Variants in POU3F3 observed in about 807,000 individuals in gnomAD.
POU3F3 encodes the protein POU domain, class 3, transcription factor 3.
A neutral mutation model predicts 8.6 loss-of-function variants in POU3F3; 1 was observed. The ratio of observed to expected loss-of-function variants is 0.12; its 90% CI spans 0.04 to 0.55. POU3F3 has a LOEUF of 0.55. Ranked by LOEUF, POU3F3 falls within the 20% of genes least tolerant of loss-of-function variation. The pLI is 0.91. For missense variants in POU3F3, 577 were observed against 690.7 expected (o/e 0.84, Z 1.84); for synonymous variants, 418 against 327.4 (o/e 1.28, Z -2.99).
chr2:104,860,071 T>TA (rs1290925068), downstream of POU3F3, among the ~76,000 whole-genome samples: 2 of 152,188 alleles, frequency 1.3e-5, no homozygotes, highest in Admixed American at 6.5e-5. Context: ...ATAGGTCTAT[T>TA]AAAAAAATTT....
the POU3F3 span, among the ~76,000 whole-genome samples, chr2:104,920,803 T>A: frequency 6.6e-6 from 1 of 152,164 alleles, no homozygotes; most frequent in Non-Finnish European, 1.5e-5. Flanking sequence ...TTCTCACTTA[T>A]ATAACTGTCC....
the POU3F3 span, among the ~76,000 whole-genome samples, chr2:104,927,668 G>A: frequency 2.8e-5 from 4 of 142,628 alleles, no homozygotes; most frequent in African/African-American, 1.0e-4. Flanking sequence ...GATTGTTCAA[G>A]CCCAAGAGTT....
the POU3F3 span, among the ~76,000 whole-genome samples, chr2:104,879,131 C>T: frequency 2.9e-4 from 44 of 152,132 alleles, 1 homozygote; most frequent in East Asian, 3.9e-4. Flanking sequence ...CTTCAGTACA[C>T]ACGTAATCTT....
the POU3F3 span, among the ~76,000 whole-genome samples, chr2:104,900,667 T>A: frequency 6.6e-6 from 1 of 152,346 alleles, no homozygotes; most frequent in South Asian, 2.1e-4. Flanking sequence ...TTATGACATG[T>A]CAGGGGCACA....
At chr2:104,910,044 C>T in the POU3F3 span, among the ~76,000 whole-genome samples, 1 of 152,160 alleles carries the variant, frequency 6.6e-6, no homozygotes, top group Non-Finnish European at 1.5e-5. Flanking sequence ...GAATTTTTCA[C>T]CATTTCGTCA....
chr2:104,889,538 T>A, the POU3F3 span, among the ~76,000 whole-genome samples: 1 of 152,072 alleles, frequency 6.6e-6, no homozygotes, highest in Non-Finnish European at 1.5e-5. Flanking sequence ...ACCTTACAAA[T>A]GGGAAAACCA....
the POU3F3 span, among the ~76,000 whole-genome samples, chr2:104,891,007 G>T: frequency 2.0e-5 from 3 of 152,226 alleles, no homozygotes; most frequent in African/African-American, 4.8e-5. Flanking sequence ...GCTACTAGCT[G>T]TGCAGCCCTG....
chr2:104,868,923 A>T, the POU3F3 span, among the ~76,000 whole-genome samples: 2 of 152,368 alleles, frequency 1.3e-5, no homozygotes, highest in Middle Eastern at 3.4e-3. Context: ...AATTCCATAT[A>T]GGACAGTGGG....
chr2:104,909,476 C>T, the POU3F3 span, among the ~76,000 whole-genome samples: 4 of 152,250 alleles, frequency 2.6e-5, no homozygotes, highest in Non-Finnish European at 4.4e-5. Context: ...CTCTAACTTG[C>T]CTGTGATCCA....
chr2:104,870,896 A>G, the POU3F3 span, among the ~76,000 whole-genome samples: 2 of 152,162 alleles, frequency 1.3e-5, no homozygotes, highest in South Asian at 4.1e-4. Context: ...ACACCAATAT[A>G]CCGTTCTCAG....
At chr2:104,920,262 G>A in the POU3F3 span, among the ~76,000 whole-genome samples, 116 of 152,196 alleles carry the variant, frequency 7.6e-4, no homozygotes, top group African/African-American at 2.7e-3. Flanking sequence ...TGATCCATCC[G>A]CCTCAGCCTC....
At chr2:104,910,435 T>C in the POU3F3 span, among the ~76,000 whole-genome samples, 3 of 151,826 alleles carry the variant, frequency 2.0e-5, no homozygotes, top group African/African-American at 7.2e-5. Flanking sequence ...CAATGGGCCC[T>C]TGCATTCTCC....
chr2:104,911,707 T>C, the POU3F3 span, among the ~76,000 whole-genome samples: 104,154 of 151,476 alleles, frequency 0.69, 36,317 homozygotes, highest in East Asian at 0.87. Flanking sequence ...GAGGAAAAGA[T>C]GTGGAAGAGA....
chr2:104,872,797 T>C, the POU3F3 span, among the ~76,000 whole-genome samples: 5 of 152,298 alleles, frequency 3.3e-5, no homozygotes, highest in African/African-American at 9.6e-5. The surrounding 1 kb of genome is among the most constrained non-coding windows in gnomAD (Gnocchi z 4.6). Context: ...GCATCCCTTC[T>C]TGACAGTGCG....
chr2:104,892,886 A>G, the POU3F3 span, among the ~76,000 whole-genome samples: 1 of 151,846 alleles, frequency 6.6e-6, no homozygotes, highest in Non-Finnish European at 1.5e-5. Flanking sequence ...GATTGATAGG[A>G]GGGAAGATGA....
chr2:104,898,178 C>T, the POU3F3 span, among the ~76,000 whole-genome samples: 1 of 152,144 alleles, frequency 6.6e-6, no homozygotes, highest in Non-Finnish European at 1.5e-5. Flanking sequence ...CCACTGAGGA[C>T]ACGTGGAGAG....
At chr2:104,900,141 T>C in the POU3F3 span, among the ~76,000 whole-genome samples, 2 of 152,174 alleles carry the variant, frequency 1.3e-5, no homozygotes, top group African/African-American at 4.8e-5. Context: ...TTCTAGTGAC[T>C]CTAGGATGGG....
At chr2:104,900,879 C>T in the POU3F3 span, among the ~76,000 whole-genome samples, 1 of 152,164 alleles carries the variant, frequency 6.6e-6, no homozygotes, top group African/African-American at 2.4e-5. Context: ...AAAATGGGCT[C>T]GGATGTTGGC....
Position 104,854,198 on chromosome 2 carries a change from G to C in POU3F3, c.-1313G>C, listed in dbSNP as rs1325304480. On this transcript the variant is annotated 5_prime_UTR_variant, in exon 1 of 1. Transcript: ENST00000361360. This position sits in a 1 kb window ranked among gnomAD's most constrained non-coding sequence, Gnocchi z 4.5. ...AGAGCGGGCGCCCGAGAGAGGGAGA[G>C]AGAGAGAGGGAGGGAGAGGAAAAGT... Among the ~76,000 whole-genome samples, 1 of 152,076 alleles carries C rather than the reference G, an allele frequency of 6.6e-6. No individual in the cohort carries two copies. Among genetic ancestry groups the C allele is most frequent in the Non-Finnish European group, 1.5e-5 (1 of 68,026 alleles).
Sources: gnomAD v4.1 joint callset for allele counts (sites outside exome capture counted in the v4.1 genomes callset) on GRCh38, gnomAD v4.1.1 for gene constraint, Gnocchi (gnomAD v3.1) non-coding constraint, MANE v1.5 for transcripts, NCBI Gene and HGNC (gene_info 2026-07-23, HGNC 2026-07-21) for gene names.